FMNL2: variants seen among roughly 807,000 people sequenced by gnomAD.
FMNL2 encodes the protein formin like 2.
FMNL2 carries 51 observed loss-of-function variants against 130.2 expected under a neutral mutation model. That is an observed-to-expected ratio of 0.39 (90% CI 0.31 to 0.49). FMNL2 has a LOEUF of 0.49. FMNL2 is among the 20% of genes least tolerant of loss of function. The pLI, the probability that FMNL2 is intolerant of heterozygous loss-of-function variation, is 0.85. For synonymous variants in FMNL2, 465 were observed against 467.1 expected (o/e 1.00, Z 0.06); for missense variants, 977 against 1,316.2 (o/e 0.74, Z 3.99).
chr2:152,415,313 C>T (rs1367902746), intron 1 of FMNL2, among the ~76,000 whole-genome samples: 5 of 152,332 alleles, frequency 3.3e-5, no homozygotes, highest in South Asian at 2.1e-4. Context: ...TTTGTCAAGA[C>T]CTCAGTTCAC....
intron 3 of FMNL2, 93 bp from the exon 4 acceptor site, chr2:152,548,928 T>C (rs1250203317): frequency 2.1e-6 from 2 of 964,424 alleles, no homozygotes; most frequent in African/African-American, 1.7e-5. Flanking sequence ...GAAGTGAAGA[T>C]ATTTTTCATA....
At chr2:152,456,364 A>C (rs926029135) in intron 1 of FMNL2, among the ~76,000 whole-genome samples, 2 of 152,114 alleles carry the variant, frequency 1.3e-5, no homozygotes, top group Non-Finnish European at 2.9e-5. Context: ...AGAGTGCTAG[A>C]ATGTTGATTG....
rs546535067 is a variant in FMNL2 at position 152,575,099 on chromosome 2, C to T, written c.597-37C>T. 1.9e-4 allele frequency: 238 copies of T among 1,282,052 alleles called. 3 individuals are homozygous for T. In the South Asian group the frequency reaches 2.9e-3, roughly 15 times the overall value. The allele number at this position is 1,282,052 out of a possible 1,614,324, so 79.4% of individuals were successfully genotyped here. A position where few individuals can be genotyped will look rare whatever the true frequency, so the allele number is the denominator to read the frequency against. ...GCATGTGCCTATGCTAAGAAAGTAACCTGTTGTTTTATAGAAGTTTCTCTT... is the reference window on the plus strand; with the variant it reads ...GCATGTGCCTATGCTAAGAAAGTAATCTGTTGTTTTATAGAAGTTTCTCTT... On this transcript the variant is annotated intron_variant, in intron 6 of 25. Coordinates refer to ENST00000288670, the MANE Select transcript of FMNL2 (RefSeq NM_052905.4).
intron 1 of FMNL2, among the ~76,000 whole-genome samples, chr2:152,462,520 T>A (rs961558257): frequency 6.6e-6 from 1 of 152,214 alleles, no homozygotes; most frequent in Non-Finnish European, 1.5e-5. Flanking sequence ...ATAACAAATT[T>A]GGGAACAGAT....
intron 2 of FMNL2, among the ~76,000 whole-genome samples, chr2:152,536,005 G>A (rs1693977986): frequency 6.6e-6 from 1 of 152,228 alleles, no homozygotes; most frequent in Non-Finnish European, 1.5e-5. Flanking sequence ...GGTTCTCTCA[G>A]TTCTTTGGGA....
chr2:152,514,873 G>A (rs1692676095), intron 1 of FMNL2, among the ~76,000 whole-genome samples: 1 of 152,160 alleles, frequency 6.6e-6, no homozygotes, highest in Non-Finnish European at 1.5e-5. Flanking sequence ...AGATGTGGGT[G>A]AGGCTACTGT....
At chr2:152,630,016 C>CAACT in intron 20 of FMNL2, 111 bp downstream of exon 20, 1 of 925,584 alleles carries the variant, frequency 1.1e-6, no homozygotes, top group Non-Finnish European at 1.6e-6. Flanking sequence ...ATGGGAGGAT[C>CAACT]AACTGGTACT....
At chr2:152,424,154 T>C (rs1687054096) in intron 1 of FMNL2, among the ~76,000 whole-genome samples, 1 of 152,088 alleles carries the variant, frequency 6.6e-6, no homozygotes, top group African/African-American at 2.4e-5. Context: ...AAAGGGAAAA[T>C]GACCACTCTA....
intron 1 of FMNL2, among the ~76,000 whole-genome samples, chr2:152,378,209 A>G (rs1420652686): frequency 6.6e-6 from 1 of 152,084 alleles, no homozygotes; most frequent in African/African-American, 2.4e-5. Flanking sequence ...AGTCATAGGG[A>G]CTGCCTTGCT....
At chr2:152,338,818 G>GACACACAC (rs767062578) in intron 1 of FMNL2, among the ~76,000 whole-genome samples, 917 of 60,382 alleles carry the variant, frequency 0.015, 12 homozygotes, top group African/African-American at 0.037. Context: ...TGGAAGGTGA[G>GACACACAC]ATACACACAC....
chr2:152,386,804 A>G (rs1422054214), intron 1 of FMNL2, among the ~76,000 whole-genome samples: 1 of 152,198 alleles, frequency 6.6e-6, no homozygotes, highest in Admixed American at 6.5e-5. Context: ...GTTATTCACC[A>G]TAGTCTAATT....
At chr2:152,490,569 A>ATG (rs58838989) in intron 1 of FMNL2, among the ~76,000 whole-genome samples, 9,816 of 108,392 alleles carry the variant, frequency 0.091, 535 homozygotes, top group Middle Eastern at 0.13. Context: ...TTGCTATCCA[A>ATG]TGTGTGTGTG....
At chr2:152,366,106 T>C (rs1683518306) in intron 1 of FMNL2, among the ~76,000 whole-genome samples, 1 of 152,128 alleles carries the variant, frequency 6.6e-6, no homozygotes, top group African/African-American at 2.4e-5. Context: ...CCATGTTTAC[T>C]AGAGCCCAGA....
At chr2:152,556,141 ATAGT>A (rs1695191068) in intron 4 of FMNL2, among the ~76,000 whole-genome samples, 1 of 152,190 alleles carries the variant, frequency 6.6e-6, no homozygotes, top group South Asian at 2.1e-4. Flanking sequence ...GACTGAGATA[ATAGT>A]TAGAAAAATG....
At chr2:152,572,406 C>T (rs1319596602) in intron 6 of FMNL2, among the ~76,000 whole-genome samples, 2 of 152,074 alleles carry the variant, frequency 1.3e-5, no homozygotes, top group South Asian at 2.1e-4. Flanking sequence ...GATTGCTTAC[C>T]TTGTCTAGGT....
intron 1 of FMNL2, among the ~76,000 whole-genome samples, chr2:152,482,288 A>G (rs1179623755): frequency 6.6e-6 from 1 of 151,932 alleles, no homozygotes; most frequent in Non-Finnish European, 1.5e-5. Flanking sequence ...AGAAGAGGGG[A>G]TTTTCTTTCT....
At chr2:152,388,256 T>C (rs947746156) in intron 1 of FMNL2, among the ~76,000 whole-genome samples, 1 of 152,238 alleles carries the variant, frequency 6.6e-6, no homozygotes, top group Non-Finnish European at 1.5e-5. Flanking sequence ...TGTATTGGTC[T>C]GTTCTCACAT....
At chr2:152,520,399 A>G (rs1693021213) in intron 1 of FMNL2, among the ~76,000 whole-genome samples, 1 of 152,072 alleles carries the variant, frequency 6.6e-6, no homozygotes, top group South Asian at 2.1e-4. Flanking sequence ...GTTCAAGACC[A>G]GCCTGGCCAA....
chr2:152,478,444 G>A (rs1208721376), intron 1 of FMNL2, among the ~76,000 whole-genome samples: 1 of 151,724 alleles, frequency 6.6e-6, no homozygotes, highest in Admixed American at 6.6e-5. Context: ...TACCATGTTG[G>A]TCAGGCTGGT....
Sources: gnomAD v4.1 joint callset for allele counts (sites outside exome capture counted in the v4.1 genomes callset) on GRCh38, gnomAD v4.1.1 for gene constraint, MANE v1.5 for transcripts, NCBI Gene and HGNC (gene_info 2026-07-23, HGNC 2026-07-21) for gene names.